Variants in CPPED1 observed in about 807,000 individuals in gnomAD.
The protein encoded by CPPED1 is serine/threonine-protein phosphatase CPPED1.
In CPPED1, 28 loss-of-function variants were observed where a neutral mutation model predicts 28.0. The observed-to-expected ratio is 1.00, with a 90% CI of 0.74 to 1.37. The LOEUF is 1.37. Among genes scored for constraint, CPPED1 ranks in the 40% most tolerant of loss-of-function variants. The pLI, the probability that CPPED1 is intolerant of heterozygous loss-of-function variation, is 0.00. For missense variants in CPPED1, 504 were observed against 416.5 expected, an observed-to-expected ratio of 1.21 and a Z score of -1.83; for synonymous variants, 198 against 180.2, an observed-to-expected ratio of 1.10 and a Z score of -0.79.
intron 2 of CPPED1, among the ~76,000 whole-genome samples, chr16:12,708,680 G>T (rs1398145519): frequency 6.6e-6 from 1 of 152,168 alleles, no homozygotes; most frequent in East Asian, 1.9e-4. Flanking sequence ...TCTTTAACAA[G>T]CTCTCATTTG....
chr16:12,791,641 G>T (rs1451586877), intron 1 of CPPED1, among the ~76,000 whole-genome samples: 1 of 152,180 alleles, frequency 6.6e-6, no homozygotes, highest in South Asian at 2.1e-4. Context: ...GGGAGAAGGA[G>T]GCTGGCAGGA....
chr16:12,775,638 G>T (rs566383864), intron 2 of CPPED1, among the ~76,000 whole-genome samples: 85 of 152,258 alleles, frequency 5.6e-4, no homozygotes, highest in Non-Finnish European at 9.1e-4. Flanking sequence ...GATCCATTAG[G>T]TCTGGGCAGG....
At chr16:12,722,315 T>C (rs1293259062) in intron 2 of CPPED1, among the ~76,000 whole-genome samples, 1 of 152,186 alleles carries the variant, frequency 6.6e-6, no homozygotes, top group Non-Finnish European at 1.5e-5. Flanking sequence ...CTCAGGTAAG[T>C]AGATGCCGAG....
At chr16:12,735,508 T>G (rs1759584930) in intron 2 of CPPED1, among the ~76,000 whole-genome samples, 1 of 152,238 alleles carries the variant, frequency 6.6e-6, no homozygotes, top group African/African-American at 2.4e-5. Context: ...TTTCACCATG[T>G]TGGCCAGGCT....
intron 2 of CPPED1, among the ~76,000 whole-genome samples, chr16:12,764,192 G>C (rs980502640): frequency 7.7e-6 from 1 of 129,234 alleles, no homozygotes; most frequent in Non-Finnish European, 1.6e-5. Flanking sequence ...TTTTGGTACT[G>C]TTTGATTTTA....
intron 3 of CPPED1, among the ~76,000 whole-genome samples, chr16:12,681,791 A>C (rs2079906209): frequency 6.6e-6 from 1 of 152,174 alleles, no homozygotes; most frequent in African/African-American, 2.4e-5. Context: ...TCCCGTTCAT[A>C]AAATGACGTT....
chr16:12,681,136 G>T (rs7200640), intron 3 of CPPED1, among the ~76,000 whole-genome samples: 5 of 143,530 alleles, frequency 3.5e-5, no homozygotes, highest in African/African-American at 5.2e-5. Flanking sequence ...GTTTCCCCCC[G>T]TAAAGAATAG....
chr16:12,728,433 G>A (rs1292880872), intron 2 of CPPED1, among the ~76,000 whole-genome samples: 1 of 151,846 alleles, frequency 6.6e-6, no homozygotes, highest in Non-Finnish European at 1.5e-5. Flanking sequence ...ATGAAGAAAG[G>A]ATTACAGGTT....
At chr16:12,743,657 T>A (rs924250207) in intron 2 of CPPED1, among the ~76,000 whole-genome samples, 1 of 152,184 alleles carries the variant, frequency 6.6e-6, no homozygotes, top group Non-Finnish European at 1.5e-5. Flanking sequence ...ACAAACAGGC[T>A]GAGATGAACA....
chr16:12,706,500 T>G (rs1423192177), intron 2 of CPPED1, among the ~76,000 whole-genome samples: 1 of 144,982 alleles, frequency 6.9e-6, no homozygotes, highest in African/African-American at 2.6e-5. Flanking sequence ...TTCCTTTCCT[T>G]CCTCCCTTCC....
chr16:12,799,252 T>C (rs973992733), intron 1 of CPPED1, among the ~76,000 whole-genome samples: 8 of 82,442 alleles, frequency 9.7e-5, no homozygotes, highest in Non-Finnish European at 4.3e-5. Flanking sequence ...AGTTTTTTTT[T>C]TTTTTTTTTT....
chr16:12,787,896 A>G (rs977707582), intron 1 of CPPED1, among the ~76,000 whole-genome samples: 1 of 152,228 alleles, frequency 6.6e-6, no homozygotes, highest in African/African-American at 2.4e-5. Flanking sequence ...AAGCTGCAAC[A>G]GAAGTGTTGG....
At chr16:12,776,939 C>T (rs773036183) in intron 2 of CPPED1, among the ~76,000 whole-genome samples, 5 of 152,078 alleles carry the variant, frequency 3.3e-5, no homozygotes, top group Admixed American at 6.6e-5. Context: ...ATGTGCCTTT[C>T]GCCATCTGCC....
chr16:12,691,749 G>A (rs997050566), intron 3 of CPPED1, among the ~76,000 whole-genome samples: 1 of 148,360 alleles, frequency 6.7e-6, no homozygotes, highest in Non-Finnish European at 1.5e-5. Flanking sequence ...ACTCATAGGT[G>A]GGAATTGAAC....
At chr16:12,688,702 C>G (rs2079946581) in intron 3 of CPPED1, among the ~76,000 whole-genome samples, 1 of 152,202 alleles carries the variant, frequency 6.6e-6, no homozygotes, top group Non-Finnish European at 1.5e-5. Context: ...CTCCAAGACT[C>G]TGAGCTTCTT....
chr16:12,740,066 GAAAA>G (rs1054119441), intron 2 of CPPED1, among the ~76,000 whole-genome samples: 1 of 145,420 alleles, frequency 6.9e-6, no homozygotes, highest in African/African-American at 2.6e-5. Context: ...AAGGAGAAAA[GAAAA>G]AAAGAAAGGA....
intron 2 of CPPED1, among the ~76,000 whole-genome samples, chr16:12,768,958 T>TCCC (rs1567301828): frequency 8.6e-5 from 13 of 151,088 alleles, no homozygotes. Context: ...CTCCACCTCC[T>TCCC]GGGTTCAAGC....
Position 12,661,183 on chromosome 16 carries a change from C to T in CPPED1, c.*3703G>A, listed in dbSNP as rs951201175. 1 of 152,220 alleles carries T rather than the reference C, an allele frequency of 6.6e-6. No individual in the cohort carries two copies. The highest frequency in any genetic ancestry group is 6.5e-5 in the Admixed American group (1 of 15,274). The allele number at this position is 152,220 out of a possible 1,614,324, so 9.4% of individuals were successfully genotyped here. A position where few individuals can be genotyped will look rare whatever the true frequency, so the allele number is the denominator to read the frequency against. ...TCTCAAAAGATTCTGCATTGGAATA[C>T]AGACTGTAATATTAAACTACTATGT... On this transcript the variant is annotated 3_prime_UTR_variant, in exon 4 of 4. Coordinates refer to ENST00000381774, the MANE Select transcript of CPPED1 (RefSeq NM_018340.3).
intron 1 of CPPED1, among the ~76,000 whole-genome samples, chr16:12,801,212 G>C (rs575439316): frequency 6.6e-6 from 1 of 152,144 alleles, no homozygotes; most frequent in African/African-American, 2.4e-5. Context: ...TCCTGCCATA[G>C]CCTCCCAAGT....
Sources: allele counts gnomAD v4.1 joint callset (sites outside exome capture counted in the v4.1 genomes callset), GRCh38; gene constraint gnomAD v4.1.1; transcripts MANE v1.5; gene names NCBI Gene and HGNC (gene_info 2026-07-23, HGNC 2026-07-21).